OXR1: variants seen among roughly 807,000 people sequenced by gnomAD.
The protein encoded by OXR1 is oxidation resistance 1, also known as oxidation resistance protein 1.
In OXR1, 41 loss-of-function variants were observed where a neutral mutation model predicts 104.6. The observed-to-expected ratio is 0.39, with a 90% CI of 0.31 to 0.51. The LOEUF (loss-of-function observed/expected upper bound fraction) is 0.51. Ranked by LOEUF, OXR1 falls within the 20% of genes least tolerant of loss-of-function variation. The pLI, the probability that OXR1 is intolerant of heterozygous loss-of-function variation, is 0.77. For missense variants in OXR1, 955 were observed against 1,031.9 expected (o/e 0.93, Z 1.02); for synonymous variants, 348 against 348.4 (o/e 1.00, Z 0.01).
chr8:106,342,684 A>G (rs1293894998), intron 1 of OXR1, among the ~76,000 whole-genome samples: 1 of 152,028 alleles, frequency 6.6e-6, no homozygotes, highest in African/African-American at 2.4e-5. Flanking sequence ...TTTGCATCTG[A>G]GAGTCCATTG....
At chr8:106,723,528 C>T (rs1354886318) in intron 11 of OXR1, among the ~76,000 whole-genome samples, 2 of 150,200 alleles carry the variant, frequency 1.3e-5, no homozygotes, top group Non-Finnish European at 3.0e-5. Context: ...AAAAATTAGC[C>T]GGGCGTGGTG....
chr8:106,411,232 G>A (rs1818445525), intron 2 of OXR1, among the ~76,000 whole-genome samples: 1 of 152,172 alleles, frequency 6.6e-6, no homozygotes, highest in Non-Finnish European at 1.5e-5. Flanking sequence ...GTTTGGGAAA[G>A]TCCTGGTATC....
intron 7 of OXR1, chr8:106,698,099 GCTT>G (rs1830242441): frequency 6.0e-6 from 5 of 836,318 alleles, no homozygotes; most frequent in African/African-American, 3.4e-5. Context: ...CAGCTGCCGA[GCTT>G]CTTCTTACAT....
chr8:106,749,865 TTAGA>T (rs1408580489), intron 16 of OXR1, among the ~76,000 whole-genome samples: 3 of 152,242 alleles, frequency 2.0e-5, no homozygotes, highest in Non-Finnish European at 4.4e-5. Context: ...CGGTTATGTA[TTAGA>T]TAATTAGATA....
chr8:106,507,333 A>G (rs1425970114), intron 2 of OXR1, among the ~76,000 whole-genome samples: 1 of 152,194 alleles, frequency 6.6e-6, no homozygotes, highest in Non-Finnish European at 1.5e-5. Context: ...TGAGGAAACT[A>G]TGGAGAGATT....
At chr8:106,735,244 T>C (rs1834264091) in intron 11 of OXR1, among the ~76,000 whole-genome samples, 1 of 151,826 alleles carries the variant, frequency 6.6e-6, no homozygotes, top group African/African-American at 2.4e-5. Context: ...TTCTGTATCC[T>C]CACCCATCAG....
intron 1 of OXR1, among the ~76,000 whole-genome samples, chr8:106,305,920 T>G (rs1394294033): frequency 6.6e-6 from 1 of 152,168 alleles, no homozygotes; most frequent in Non-Finnish European, 1.5e-5. Flanking sequence ...TTGTTCTTCT[T>G]AAATACCTCA....
At chr8:106,723,833 A>G (rs1833078226) in intron 11 of OXR1, among the ~76,000 whole-genome samples, 1 of 152,196 alleles carries the variant, frequency 6.6e-6, no homozygotes, top group South Asian at 2.1e-4. Flanking sequence ...TGTGTTGCCC[A>G]GGCTGGAATG....
chr8:106,602,961 T>C (rs1432273146), intron 3 of OXR1, among the ~76,000 whole-genome samples: 1 of 152,206 alleles, frequency 6.6e-6, no homozygotes, highest in Non-Finnish European at 1.5e-5. Flanking sequence ...TTCAGAAAGA[T>C]GATTTATATT....
At chr8:106,726,316 CT>C in intron 11 of OXR1, 1 of 1,426,984 alleles carries the variant, frequency 7.0e-7, no homozygotes, top group Non-Finnish European at 9.5e-7. Flanking sequence ...TCTGGTAAAT[CT>C]TAGTCAATTA....
chr8:106,661,934 T>G (rs1389543745), intron 3 of OXR1, among the ~76,000 whole-genome samples: 1 of 152,174 alleles, frequency 6.6e-6, no homozygotes, highest in Non-Finnish European at 1.5e-5. Flanking sequence ...CCACCCCTTC[T>G]TGATGCATTA....
chr8:106,734,513 T>C (rs1834200598), intron 11 of OXR1, among the ~76,000 whole-genome samples: 2 of 152,212 alleles, frequency 1.3e-5, no homozygotes, highest in Non-Finnish European at 1.5e-5. Flanking sequence ...TTTGTTAGTG[T>C]GCAAGACATT....
chr8:106,553,010 G>T (rs1265177764), intron 3 of OXR1, among the ~76,000 whole-genome samples: 5 of 152,008 alleles, frequency 3.3e-5, no homozygotes, highest in Non-Finnish European at 7.4e-5. Flanking sequence ...AGAGTGCTGG[G>T]TGTGCAGTAG....
intron 11 of OXR1, among the ~76,000 whole-genome samples, 176 bp from the exon 12 acceptor site, chr8:106,737,344 A>G (rs1834473922): frequency 6.7e-6 from 1 of 149,300 alleles, no homozygotes; most frequent in Admixed American, 6.7e-5. Flanking sequence ...ATTCATGGAT[A>G]TTTCACTCTA....
intron 11 of OXR1, chr8:106,726,451 G>A: frequency 1.9e-6 from 1 of 522,344 alleles, no homozygotes; most frequent in Non-Finnish European, 3.3e-6. Context: ...AAAGTACCTT[G>A]AAGTTGTTTC....
chr8:106,501,209 A>G, intron 2 of OXR1, among the ~76,000 whole-genome samples: 1 of 152,160 alleles, frequency 6.6e-6, no homozygotes, highest in Admixed American at 6.5e-5. Context: ...CTGCAGCCTC[A>G]AACTCCTGGA....
intron 7 of OXR1, among the ~76,000 whole-genome samples, chr8:106,694,978 A>AAATATTTATATATATTTACATGTATAT (rs1829855078): frequency 7.2e-6 from 1 of 138,424 alleles, no homozygotes. Context: ...GTATATTATA[A>AAATATTTATATATATTTACATGTATAT]TATATATCTT....
intron 1 of OXR1, among the ~76,000 whole-genome samples, chr8:106,316,875 A>T (rs1005864840): frequency 1.3e-5 from 2 of 151,766 alleles, no homozygotes; most frequent in Admixed American, 6.6e-5. Context: ...TATTTATTTA[A>T]TTTATTTATT....
intron 2 of OXR1, among the ~76,000 whole-genome samples, chr8:106,467,368 A>G (rs1821228720): frequency 6.6e-6 from 1 of 151,832 alleles, no homozygotes; most frequent in South Asian, 2.1e-4. Context: ...CAAATATAGT[A>G]GTGGGATTCA....
Sources: allele counts gnomAD v4.1 joint callset (sites outside exome capture counted in the v4.1 genomes callset), GRCh38; gene constraint gnomAD v4.1.1; transcripts MANE v1.5; gene names NCBI Gene and HGNC (gene_info 2026-07-23, HGNC 2026-07-21).